CST4: variants seen among roughly 807,000 people sequenced by gnomAD.
CST4 encodes cystatin-S.
In CST4, 17 loss-of-function variants were observed where a neutral mutation model predicts 11.2. The ratio of observed to expected loss-of-function variants is 1.52; its 90% CI spans 1.04 to 2.27. CST4 has a LOEUF of 2.27. Among genes scored for constraint, CST4 ranks in the 30% most tolerant of loss-of-function variants. The pLI is 0.00. For missense variants in CST4, 251 were observed against 180.2 expected (o/e 1.39, Z -2.25); for synonymous variants, 93 against 70.1 (o/e 1.33, Z -1.63).
At chr20:23,687,316 A>G (rs1041739447) in intron 1 of CST4, 115 bp from the exon 2 acceptor site, 9 of 855,458 alleles carry the variant, frequency 1.1e-5, no homozygotes, top group Middle Eastern at 2.3e-4. Flanking sequence ...TGAGCTGCCC[A>G]CATGTCAACA....
At chr20:23,688,679 C>T in intron 1 of CST4, 63 bp downstream of exon 1, 2 of 1,491,570 alleles carry the variant, frequency 1.3e-6, no homozygotes, top group Non-Finnish European at 1.9e-6. Flanking sequence ...TTGGAATGCT[C>T]TTGGGGGTCC....
chr20:23,686,024 A>C (rs1346173023), intron 2 of CST4, 47 bp from the exon 3 acceptor site: 2 of 1,589,412 alleles, frequency 1.3e-6, no homozygotes, highest in African/African-American at 2.7e-5. Context: ...TTACAGTTAA[A>C]GGGGAAGATG....
chr20:23,688,701 A>G, intron 1 of CST4, 41 bp downstream of exon 1: 6 of 1,595,856 alleles, frequency 3.8e-6, no homozygotes, highest in Non-Finnish European at 5.2e-6. Context: ...GCAACAAACC[A>G]GGCTAGGGCT....
Position 23,685,922 on chromosome 20 carries a change from A to G in CST4, c.398T>C (p.Leu133Pro). 1.9e-6 allele frequency: 3 copies of G among 1,614,130 alleles called. No individual in the cohort carries two copies. The highest frequency in any genetic ancestry group is 2.5e-6 in the Non-Finnish European group (3 of 1,179,944). The change falls in exon 3 of 3, where the codon CTG (leucine) becomes CCG (proline). Residue 133 changes from leucine (L) to proline (P), a missense_variant. Physicochemically the swap from Leu to Pro is moderately conservative, Grantham distance 98. Coordinates refer to ENST00000217423, the MANE Select transcript of CST4 (RefSeq NM_001899.3). ...GGCTTCTTGACACCTGGAATTCACC[A>G]GGGACATTCTGTCCTCCCAGGGAAC... ...YEVPWEDRMS[L>P]VNSRCQEA
chr20:23,689,034 G>T lies in CST4; in HGVS notation c.-65C>A. 1 of 1,502,756 alleles carries T rather than the reference G, an allele frequency of 6.7e-7. No individual in the cohort carries two copies. 93.1% of individuals were successfully genotyped at this position (1,502,756 alleles called of 1,614,324 possible). ...AGAGGAGGGTGAGAGCCCGAGGCAG[G>T]GAGCCCAGACCAGCAGGCAGGTGTG... On this transcript the variant is annotated 5_prime_UTR_variant, in exon 1 of 3. Coordinates refer to ENST00000217423, the MANE Select transcript of CST4 (RefSeq NM_001899.3).
intron 1 of CST4, among the ~76,000 whole-genome samples, chr20:23,687,967 C>T (rs1981101696): frequency 2.6e-5 from 4 of 152,220 alleles, no homozygotes; most frequent in Admixed American, 2.6e-4. Flanking sequence ...GTGAGGGCTC[C>T]AGCTGACAGC....
At chr20:23,686,404 G>A (rs920032069) in intron 2 of CST4, among the ~76,000 whole-genome samples, 2 of 152,146 alleles carry the variant, frequency 1.3e-5, no homozygotes, top group African/African-American at 4.8e-5. Flanking sequence ...ATGGGTCAAG[G>A]GCAACAAGGG....
chr20:23,687,031 C>T (rs575033266), intron 2 of CST4, 57 bp downstream of exon 2: 1 of 1,609,568 alleles, frequency 6.2e-7, no homozygotes, highest in Admixed American at 1.7e-5. Context: ...CAGAGGCTGA[C>T]ACATACGCAC....
rs556424670 is a variant in CST4 at position 23,687,939 on chromosome 20, G to A, written c.229-738C>T. ...CCAGCGGGGACCATGGCACCAGGGA[G>A]TGCACCTCCTGTGCAGGGTGAGGGC... is the stretch of plus-strand genomic sequence containing the variant. On this transcript the variant is annotated intron_variant, in intron 1 of 2. Coordinates refer to ENST00000217423, the MANE Select transcript of CST4 (RefSeq NM_001899.3). 2.6e-5 allele frequency among the ~76,000 whole-genome samples: 4 copies of A among 152,396 alleles called. No homozygotes were observed. The South Asian group carries it at 8.3e-4, about 32-fold the overall frequency.
At chr20:23,686,858 A>G (rs1214723223) in intron 2 of CST4, among the ~76,000 whole-genome samples, 1 of 151,640 alleles carries the variant, frequency 6.6e-6, no homozygotes, top group Non-Finnish European at 1.5e-5. Context: ...GCTTCCATAC[A>G]CCTACCCGCA....
intron 1 of CST4, among the ~76,000 whole-genome samples, chr20:23,687,425 T>C (rs1981084780): frequency 6.6e-6 from 1 of 152,194 alleles, no homozygotes; most frequent in Admixed American, 6.5e-5. Flanking sequence ...AGAGGATTCA[T>C]TGAATTCTGC....
intron 1 of CST4, among the ~76,000 whole-genome samples, 179 bp downstream of exon 1, chr20:23,688,563 G>A (rs1225507929): frequency 1.3e-5 from 2 of 152,228 alleles, no homozygotes; most frequent in Non-Finnish European, 2.9e-5. Context: ...ACTGTCTGCA[G>A]TGCATGGACC....
rs1981132500 is a variant in CST4, at chr20:23,688,829, G to A, written c.141C>T (p.Ala47=). The A allele has an allele frequency of 7.4e-6, 12 of 1,614,148 alleles. No individual in the cohort carries two copies. The East Asian group carries it at 2.5e-4, about 33-fold the overall frequency. ...ADLNDEWVQR[A]LHFAISEYNK... ...TGTACTCGCTGATGGCGAAGTGAAG[G>A]GCACGCTGTACCCACTCATCATTGA... Residue 47 remains alanine (A), a synonymous_variant, in exon 1 of 3, where the codon GCC becomes GCT. Coordinates refer to ENST00000217423, the MANE Select transcript of CST4 (RefSeq NM_001899.3).
intron 1 of CST4, among the ~76,000 whole-genome samples, chr20:23,687,926 A>G (rs1981100289): frequency 6.6e-6 from 1 of 152,238 alleles, no homozygotes; most frequent in Non-Finnish European, 1.5e-5. Context: ...AGCGGGGACC[A>G]TGGCACCAGG....
At chr20:23,687,812 G>GT (rs2122560334) in intron 1 of CST4, among the ~76,000 whole-genome samples, 1 of 152,360 alleles carries the variant, frequency 6.6e-6, no homozygotes, top group East Asian at 1.9e-4. Flanking sequence ...GATCCCTCGA[G>GT]TATCAGTTTA....
chr20:23,688,513 C>T (rs1981118376), intron 1 of CST4, among the ~76,000 whole-genome samples: 4 of 152,220 alleles, frequency 2.6e-5, no homozygotes. Flanking sequence ...ACAGACACAG[C>T]AGCTGCTGCA....
chr20:23,688,198 G>A (rs1225253297), intron 1 of CST4, among the ~76,000 whole-genome samples: 3 of 152,250 alleles, frequency 2.0e-5, no homozygotes. Context: ...AGCTCGTAGA[G>A]GCAGGGCCAG....
Position 23,688,792 on chromosome 20 carries a change from C to G in CST4, c.178G>C (p.Glu60Gln). 6.2e-7 allele frequency: 1 copy of G among 1,614,164 alleles called. No homozygotes were observed. Among genetic ancestry groups the G allele is most frequent in the Non-Finnish European group, 8.5e-7 (1 of 1,180,028 alleles). ...FAISEYNKATEDEYYRRPLQV... is the reference protein window; with the variant it reads ...FAISEYNKATQDEYYRRPLQV... ...AGCGGGCGTCTGTAGTACTCATCTT[C>G]GGTGGCCTTGTTGTACTCGCTGATG... Residue 60 changes from glutamate to glutamine, a missense_variant, in exon 1 of 3, where the codon GAA (glutamate) becomes CAA (glutamine). Transcript: ENST00000217423.
rs1331158917 is a variant in CST4, at chr20:23,688,915, G to T, written c.55C>A (p.Leu19Met). Residue 19 changes from leucine to methionine, a missense_variant, in exon 1 of 3, where the codon CTG (leucine) becomes ATG (methionine). Leu to Met is a conservative substitution (Grantham distance 15). Coordinates refer to ENST00000217423, the MANE Select transcript of CST4 (RefSeq NM_001899.3). ...TTCTCCTCCTTGGAGCTCGAGGCCAGAGCCCCAGCCAGGGTAGCCATCAGG... is the reference window on the plus strand; with the variant it reads ...TTCTCCTCCTTGGAGCTCGAGGCCATAGCCCCAGCCAGGGTAGCCATCAGG... Reference protein sequence around the residue: ...LLLMATLAGALASSSKEENRI... With the variant: ...LLLMATLAGAMASSSKEENRI... The T allele has an allele frequency of 7.4e-6, 12 of 1,614,076 alleles. No homozygotes were observed. The highest frequency in any genetic ancestry group is 1.0e-5 in the Non-Finnish European group (12 of 1,180,040).
Sources: allele counts gnomAD v4.1 joint callset (sites outside exome capture counted in the v4.1 genomes callset), GRCh38; gene constraint gnomAD v4.1.1; transcripts MANE v1.5; gene names NCBI Gene and HGNC (gene_info 2026-07-23, HGNC 2026-07-21).